SOX6: variants seen among roughly 807,000 people sequenced by gnomAD.
SOX6 encodes SRY-box transcription factor 6.
Under a neutral mutation model 97.8 loss-of-function variants are expected in SOX6, and 11 were observed. The observed-to-expected ratio is 0.11, with a 90% CI of 0.07 to 0.19. The LOEUF (loss-of-function observed/expected upper bound fraction) is 0.19. SOX6 is among the 10% of genes least tolerant of loss of function. The probability of loss-of-function intolerance (pLI) is 1.00; values close to 1 mark genes in which losing one functional copy is unlikely to be tolerated. For missense variants in SOX6, 810 were observed against 1,039.5 expected, an observed-to-expected ratio of 0.78 and a Z score of 3.04; for synonymous variants, 360 against 371.4, an observed-to-expected ratio of 0.97 and a Z score of 0.35.
chr11:16,018,795 A>T (rs567580934), intron 12 of SOX6, among the ~76,000 whole-genome samples: 1 of 152,182 alleles, frequency 6.6e-6, no homozygotes, highest in South Asian at 2.1e-4. Context: ...AATTAATGAC[A>T]TTTTTATTAT....
rs903205310 is a variant in SOX6, at chr11:16,315,812, A to G, written c.445+2634T>C. 2.0e-5 allele frequency: 3 copies of G among 152,332 alleles called. No individual in the cohort carries two copies. The East Asian group carries it at 5.8e-4, about 29-fold the overall frequency. 9.4% of individuals were successfully genotyped at this position (152,332 alleles called of 1,614,324 possible). A position where few individuals can be genotyped will look rare whatever the true frequency, so the allele number is the denominator to read the frequency against. On this transcript the variant is annotated intron_variant, in intron 3 of 15. Transcript: ENST00000683767. ...CCTTGATTTGCTTTTCTCTGGGGTT[A>G]GTATTACTAATTCCTTCAACCATTC...
Position 16,428,675 on chromosome 11 carries a change from A to C in SOX6, c.-5+47640T>G, listed in dbSNP as rs191132671. Among the ~76,000 whole-genome samples the C allele has an allele frequency of 7.5e-3, 1,138 of 152,188 alleles. 13 individuals carry two copies. The highest frequency in any genetic ancestry group is 0.026 in the African/African-American group (1,089 of 41,504). On this transcript the variant is annotated intron_variant, in intron 1 of 15. Transcript: ENST00000396356. ...ATTTCTGAGGGCTCTGCTCTGTTCCATTGATCTATATCCCTGTTTTGGTAC... is the reference window on the plus strand; with the variant it reads ...ATTTCTGAGGGCTCTGCTCTGTTCCCTTGATCTATATCCCTGTTTTGGTAC...
intron 1 of SOX6, among the ~76,000 whole-genome samples, chr11:16,456,781 A>G (rs1441015830): frequency 6.6e-6 from 1 of 152,140 alleles, no homozygotes; most frequent in Admixed American, 6.6e-5. Context: ...TAGTTATTTA[A>G]CCGAAGGAGT....
intron 12 of SOX6, among the ~76,000 whole-genome samples, chr11:16,037,836 A>G (rs1855557756): frequency 1.3e-5 from 2 of 152,136 alleles, no homozygotes; most frequent in African/African-American, 4.8e-5. Flanking sequence ...AACACCTACA[A>G]TGGCTGGCAA....
chr11:16,663,930 TA>T (rs1278206184), intron 3 of SOX6, among the ~76,000 whole-genome samples: 1 of 152,182 alleles, frequency 6.6e-6, no homozygotes, highest in East Asian at 1.9e-4. Context: ...TATTGATTTT[TA>T]TTGACTTAAG....
chr11:16,259,880 T>C (rs1412728880), intron 3 of SOX6, among the ~76,000 whole-genome samples: 2 of 151,962 alleles, frequency 1.3e-5, no homozygotes, highest in African/African-American at 4.8e-5. Flanking sequence ...TATAAAAATT[T>C]AGTGAAAGAT....
chr11:16,406,476 A>G (rs1348811566), intron 1 of SOX6, among the ~76,000 whole-genome samples: 2 of 152,152 alleles, frequency 1.3e-5, no homozygotes, highest in Middle Eastern at 3.4e-3. Flanking sequence ...GTATAATTCA[A>G]CTCTGCTCCA....
At chr11:16,173,234 T>C (rs1234928909) in intron 6 of SOX6, among the ~76,000 whole-genome samples, 1 of 151,962 alleles carries the variant, frequency 6.6e-6, no homozygotes, top group East Asian at 1.9e-4. Flanking sequence ...TTAGTTCCAA[T>C]GTGGATTGTT....
chr11:16,020,327 G>T (rs1590134906), intron 12 of SOX6, among the ~76,000 whole-genome samples: 1 of 151,918 alleles, frequency 6.6e-6, no homozygotes, highest in Non-Finnish European at 1.5e-5. Flanking sequence ...TCTCACTGCT[G>T]CAGCCTCCTT....
chr11:16,308,407 T>C lies in SOX6; in HGVS notation c.445+10039A>G, dbSNP rs1052100084. ...TAGACCAACATCCTCATTTTATAAA[T>C]TAAGAAACTAGTGCTTAGATCAATT... On this transcript the variant is annotated intron_variant, in intron 3 of 15. Transcript: ENST00000683767. 2.0e-5 allele frequency among the ~76,000 whole-genome samples: 3 copies of C among 152,176 alleles called. No homozygotes were observed. In the South Asian group the frequency reaches 6.2e-4, roughly 32 times the overall value.
chr11:16,696,813 A>G (rs145910434), intron 3 of SOX6, among the ~76,000 whole-genome samples: 4 of 152,276 alleles, frequency 2.6e-5, no homozygotes, highest in Non-Finnish European at 5.9e-5. Flanking sequence ...AAATAAGACA[A>G]CAATGAAGTT....
intron 9 of SOX6, among the ~76,000 whole-genome samples, chr11:16,057,624 G>A (rs1847852158): frequency 6.6e-6 from 1 of 152,096 alleles, no homozygotes; most frequent in Non-Finnish European, 1.5e-5. Flanking sequence ...TTGTACTGGT[G>A]TCCTTGTTTC....
intron 6 of SOX6, among the ~76,000 whole-genome samples, chr11:16,167,881 C>T (rs968534144): frequency 2.0e-5 from 3 of 152,154 alleles, no homozygotes; most frequent in Non-Finnish European, 4.4e-5. Context: ...TTTTACTTAT[C>T]TATTTAATGC....
chr11:16,260,002 CATTT>C (rs1853831065), intron 3 of SOX6, among the ~76,000 whole-genome samples: 1 of 142,690 alleles, frequency 7.0e-6, no homozygotes, highest in Non-Finnish European at 1.5e-5. Flanking sequence ...TATATATATT[CATTT>C]ATGTATTTAT....
chr11:16,467,142 ATGCTGG>A (rs1464902700), intron 1 of SOX6, among the ~76,000 whole-genome samples: 1 of 152,134 alleles, frequency 6.6e-6, no homozygotes, highest in East Asian at 1.9e-4. Context: ...AAAATAACAG[ATGCTGG>A]TAACTTTGTG....
chr11:16,168,207 T>A (rs1214822249), intron 6 of SOX6, among the ~76,000 whole-genome samples: 2 of 152,138 alleles, frequency 1.3e-5, no homozygotes, highest in African/African-American at 2.4e-5. Context: ...AAGAGGTATT[T>A]TGAGGTAAAT....
chr11:16,117,087 T>C (rs1849365733), intron 6 of SOX6, among the ~76,000 whole-genome samples: 2 of 152,110 alleles, frequency 1.3e-5, no homozygotes, highest in South Asian at 2.1e-4. Flanking sequence ...TGGTGGCTCA[T>C]GCCTATAATC....
intron 2 of SOX6, among the ~76,000 whole-genome samples, chr11:16,726,603 T>G (rs758066856): frequency 2.6e-5 from 4 of 152,176 alleles, no homozygotes; most frequent in Non-Finnish European, 5.9e-5. Context: ...ACATGTGATA[T>G]AACAATTTAT....
intron 6 of SOX6, among the ~76,000 whole-genome samples, chr11:16,183,272 C>G (rs1019331559): frequency 2.0e-5 from 3 of 151,914 alleles, no homozygotes; most frequent in Admixed American, 2.0e-4. Flanking sequence ...TAATTATGAT[C>G]TATATATTTT....
Sources: gnomAD v4.1 joint callset for allele counts (sites outside exome capture counted in the v4.1 genomes callset) on GRCh38, gnomAD v4.1.1 for gene constraint, MANE v1.5 for transcripts, NCBI Gene and HGNC (gene_info 2026-07-23, HGNC 2026-07-21) for gene names.